Variants in AKAP6 observed in about 807,000 individuals in gnomAD.
AKAP6 encodes the protein A-kinase anchor protein 6.
A neutral mutation model predicts 188.5 loss-of-function variants in AKAP6; 58 were observed. The ratio of observed to expected loss-of-function variants is 0.31; its 90% CI spans 0.25 to 0.38. AKAP6 has a LOEUF of 0.38. Ranked by LOEUF, AKAP6 falls within the 10% of genes least tolerant of loss-of-function variation. The pLI is 1.00. For missense variants in AKAP6, 2,710 were observed against 2,740.0 expected (o/e 0.99, Z 0.24); for synonymous variants, 989 against 998.6 (o/e 0.99, Z 0.18).
At chr14:32,414,688 A>T (rs1157347520) in intron 1 of AKAP6, among the ~76,000 whole-genome samples, 1 of 152,082 alleles carries the variant, frequency 6.6e-6, no homozygotes, top group Non-Finnish European at 1.5e-5. Flanking sequence ...TATAATTAAC[A>T]TTTTTTTGTC....
intron 1 of AKAP6, among the ~76,000 whole-genome samples, chr14:32,392,502 C>T (rs777493611): frequency 1.1e-4 from 16 of 152,210 alleles, no homozygotes; most frequent in East Asian, 3.9e-4. Flanking sequence ...CAGTTCTGTC[C>T]ACTGAGAGTC....
intron 12 of AKAP6, among the ~76,000 whole-genome samples, chr14:32,794,585 G>A (rs1184652438): frequency 6.6e-6 from 1 of 152,026 alleles, no homozygotes; most frequent in Non-Finnish European, 1.5e-5. Context: ...CAAACAAATA[G>A]TTCTTCAAAA....
At chr14:32,540,168 C>CTCTCTCTCTCTATATATATATA (rs1240063339) in intron 3 of AKAP6, among the ~76,000 whole-genome samples, 5 of 60,920 alleles carry the variant, frequency 8.2e-5, no homozygotes, top group African/African-American at 3.9e-4. Context: ...CTCTCTCTCT[C>CTCTCTCTCTCTATATATATATA]TATATATATA....
intron 4 of AKAP6, among the ~76,000 whole-genome samples, chr14:32,571,193 A>C (rs866390632): frequency 6.6e-6 from 1 of 151,778 alleles, no homozygotes; most frequent in Non-Finnish European, 1.5e-5. Context: ...ATAGTTTAAA[A>C]GGTTCAACAG....
At chr14:32,752,707 T>C (rs1030156536) in intron 11 of AKAP6, among the ~76,000 whole-genome samples, 2 of 152,208 alleles carry the variant, frequency 1.3e-5, no homozygotes, top group Non-Finnish European at 2.9e-5. Flanking sequence ...GCCCAGTCTC[T>C]GGCAACTGCC....
intron 9 of AKAP6, among the ~76,000 whole-genome samples, chr14:32,706,444 A>G (rs1001556504): frequency 6.6e-6 from 1 of 152,020 alleles, no homozygotes; most frequent in African/African-American, 2.4e-5. Flanking sequence ...CTAAGGATGA[A>G]AACATTTATG....
chr14:32,464,192 T>C (rs190222157), intron 2 of AKAP6, among the ~76,000 whole-genome samples: 32 of 152,314 alleles, frequency 2.1e-4, no homozygotes, highest in African/African-American at 7.7e-4. Flanking sequence ...TCATTCCTTC[T>C]GAAACTATTC....
chr14:32,493,183 G>T (rs578196251), intron 2 of AKAP6, among the ~76,000 whole-genome samples: 1 of 151,934 alleles, frequency 6.6e-6, no homozygotes, highest in East Asian at 1.9e-4. Context: ...CTGAGAATGG[G>T]CTCTAAGGCA....
intron 1 of AKAP6, among the ~76,000 whole-genome samples, chr14:32,393,496 G>A (rs2082750288): frequency 6.6e-6 from 1 of 152,056 alleles, no homozygotes; most frequent in Admixed American, 6.6e-5. Flanking sequence ...ATATTAGTGG[G>A]ACAAATGGCA....
intron 3 of AKAP6, among the ~76,000 whole-genome samples, chr14:32,543,125 C>A (rs887387269): frequency 6.6e-6 from 1 of 152,150 alleles, no homozygotes; most frequent in African/African-American, 2.4e-5. Flanking sequence ...TCTGACCCTG[C>A]TATAGAAACC....
intron 11 of AKAP6, among the ~76,000 whole-genome samples, chr14:32,747,562 C>T (rs79561381): frequency 0.017 from 2,579 of 152,158 alleles, 64 homozygotes; most frequent in African/African-American, 0.058. Context: ...TAGGTTTTTT[C>T]CCCACCACAT....
chr14:32,823,170 A>T lies in AKAP6; in HGVS notation c.5357A>T (p.Tyr1786Phe), dbSNP rs1444362287. The change falls in exon 13 of 14, where the codon TAT (tyrosine) becomes TTT (phenylalanine). Residue 1786 changes from tyrosine to phenylalanine, a missense_variant. Physicochemically the swap from Tyr to Phe is conservative, Grantham distance 22 (BLOSUM62 3). Coordinates refer to ENST00000280979, the MANE Select transcript of AKAP6 (RefSeq NM_004274.5). ...AGTATTGCAACAGATGATGAAATTT[A>T]TGAAGACTGCACCTTGATGTCAGGG... ...DSSIATDDEI[Y>F]EDCTLMSGLD... is the part of the protein sequence containing the mutation. 1 of 1,613,702 alleles carries T rather than the reference A, an allele frequency of 6.2e-7. No homozygotes were observed. The highest frequency in any genetic ancestry group is 1.7e-5 in the Admixed American group (1 of 59,912).
At chr14:32,684,935 G>C (rs1403441637) in intron 8 of AKAP6, among the ~76,000 whole-genome samples, 2 of 152,150 alleles carry the variant, frequency 1.3e-5, no homozygotes, top group Non-Finnish European at 2.9e-5. Context: ...TAGTGAGAGA[G>C]AGAGACATTT....
chr14:32,673,023 T>C (rs558993573), intron 7 of AKAP6, among the ~76,000 whole-genome samples: 1 of 152,318 alleles, frequency 6.6e-6, no homozygotes, highest in South Asian at 2.1e-4. Context: ...GTCTATCCAC[T>C]TTAGCCTCTA....
At chr14:32,495,729 G>A (rs1880282897) in intron 2 of AKAP6, among the ~76,000 whole-genome samples, 1 of 152,074 alleles carries the variant, frequency 6.6e-6, no homozygotes, top group South Asian at 2.1e-4. Flanking sequence ...GTTCCAAAAG[G>A]CAGGCTTTTG....
At chr14:32,744,279 G>A (rs1396329609) in intron 11 of AKAP6, among the ~76,000 whole-genome samples, 1 of 150,634 alleles carries the variant, frequency 6.6e-6, no homozygotes, top group Non-Finnish European at 1.5e-5. Context: ...AAATCTGCTT[G>A]GTGTTATATT....
chr14:32,629,384 A>AATG (rs948487220), intron 7 of AKAP6, among the ~76,000 whole-genome samples: 2 of 148,960 alleles, frequency 1.3e-5, no homozygotes, highest in Non-Finnish European at 3.0e-5. Context: ...ACAGCATAAC[A>AATG]ATGTGTTTTG....
chr14:32,426,448 C>A (rs1890033964), intron 1 of AKAP6, among the ~76,000 whole-genome samples: 1 of 152,164 alleles, frequency 6.6e-6, no homozygotes, highest in Admixed American at 6.5e-5. Flanking sequence ...ATTCTAACCA[C>A]TAAATGTCAG....
At chr14:32,360,218 C>T (rs756179336) in intron 1 of AKAP6, among the ~76,000 whole-genome samples, 58 of 151,882 alleles carry the variant, frequency 3.8e-4, no homozygotes, top group Non-Finnish European at 6.8e-4. Flanking sequence ...ACCTCCGCCT[C>T]GTGGGTTCAA....
Sources: allele counts gnomAD v4.1 joint callset (sites outside exome capture counted in the v4.1 genomes callset), GRCh38; gene constraint gnomAD v4.1.1; transcripts MANE v1.5; gene names NCBI Gene and HGNC (gene_info 2026-07-23, HGNC 2026-07-21).